Variants in FILIP1L observed in about 807,000 individuals in gnomAD.
FILIP1L encodes filamin A-interacting protein 1-like.
Under a neutral mutation model 96.6 loss-of-function variants are expected in FILIP1L, and 55 were observed. That is an observed-to-expected ratio of 0.57 (90% confidence interval 0.46 to 0.71). The LOEUF (loss-of-function observed/expected upper bound fraction) is 0.71. Among genes scored for constraint, FILIP1L ranks in the 30% least tolerant of loss-of-function variants. FILIP1L has a pLI of 0.00. For missense variants in FILIP1L, 1,304 were observed against 1,321.2 expected, an observed-to-expected ratio of 0.99 and a Z score of 0.20; for synonymous variants, 467 against 473.9, an observed-to-expected ratio of 0.99 and a Z score of 0.19.
chr3:99,978,847 T>C (rs1047019081), intron 1 of FILIP1L, among the ~76,000 whole-genome samples: 1 of 151,630 alleles, frequency 6.6e-6, no homozygotes, highest in Admixed American at 6.6e-5. Flanking sequence ...ATTACACCAC[T>C]GCACTCCAGC....
Position 99,930,852 on chromosome 3 carries a change from G to A in FILIP1L, c.169C>T (p.His57Tyr), listed in dbSNP as rs369213838. Reference sequence around the variant, plus strand: ...TCTGCTTGGTGGCCATTACCACTGTGTGGCTTCTCTGCCTTGGGACACGGA... The same window carrying A: ...TCTGCTTGGTGGCCATTACCACTGTATGGCTTCTCTGCCTTGGGACACGGA... ...ILPCPKAEKP[H>Y]SGNGHQAEDL... The change falls in exon 2 of 6, where the codon CAC becomes TAC. Residue 57 changes from histidine to tyrosine, a missense_variant. His to Tyr is a moderately conservative substitution (Grantham distance 83). Coordinates refer to ENST00000477258, the MANE Select transcript of FILIP1L (RefSeq NM_001387850.1). The A allele has an allele frequency of 4.3e-6, 7 of 1,612,848 alleles. No homozygotes were observed. The highest frequency in any genetic ancestry group is 5.9e-6 in the Non-Finnish European group (7 of 1,179,732).
chr3:100,108,376 T>A (rs2066429374), intron 1 of FILIP1L, among the ~76,000 whole-genome samples: 1 of 152,196 alleles, frequency 6.6e-6, no homozygotes, highest in South Asian at 2.1e-4. Flanking sequence ...TATGTGTCAC[T>A]AACTGTGCTT....
intron 1 of FILIP1L, among the ~76,000 whole-genome samples, chr3:99,973,897 A>G (rs769429951): frequency 2.0e-5 from 3 of 152,212 alleles, no homozygotes; most frequent in Non-Finnish European, 2.9e-5. Context: ...TAGACAATAT[A>G]TAATTGATAA....
At chr3:99,893,994 G>A (rs988842620) in intron 4 of FILIP1L, among the ~76,000 whole-genome samples, 1 of 152,158 alleles carries the variant, frequency 6.6e-6, no homozygotes, top group African/African-American at 2.4e-5. Context: ...GACCTGCTAT[G>A]TTAAGTGAGA....
At chr3:100,101,488 A>C (rs2066304404) in intron 1 of FILIP1L, among the ~76,000 whole-genome samples, 1 of 152,210 alleles carries the variant, frequency 6.6e-6, no homozygotes, top group Non-Finnish European at 1.5e-5. Flanking sequence ...AGAGACTCTC[A>C]CAACCTTGCT....
At chr3:99,982,181 TG>T (rs907853819) in intron 1 of FILIP1L, among the ~76,000 whole-genome samples, 21 of 152,278 alleles carry the variant, frequency 1.4e-4, no homozygotes, top group Admixed American at 2.0e-4. Context: ...TTTTAGTATA[TG>T]TTTTTTTAAT....
chr3:99,938,238 C>T (rs113527379), intron 1 of FILIP1L, among the ~76,000 whole-genome samples: 230 of 152,334 alleles, frequency 1.5e-3, no homozygotes, highest in African/African-American at 5.1e-3. Context: ...CTCACAGACA[C>T]CCTCACATGC....
intron 1 of FILIP1L, among the ~76,000 whole-genome samples, chr3:99,990,970 C>A (rs1709493066): frequency 6.6e-6 from 1 of 152,072 alleles, no homozygotes; most frequent in African/African-American, 2.4e-5. Flanking sequence ...AAAGTCTCTG[C>A]CTTTTGGGAA....
chr3:99,880,691 T>A (rs1026187047), intron 4 of FILIP1L, among the ~76,000 whole-genome samples: 7 of 151,554 alleles, frequency 4.6e-5, no homozygotes, highest in African/African-American at 7.3e-5. Context: ...TAATTTAAAA[T>A]TTTTTTTATT....
chr3:99,830,646 G>A, intron 5 of FILIP1L, 41 bp from the exon 6 acceptor site: 1 of 453,468 alleles, frequency 2.2e-6, no homozygotes, highest in South Asian at 1.6e-5. Flanking sequence ...TAATGGTACA[G>A]TTGGTGGAGA....
chr3:99,921,784 T>C (rs1023083152), intron 4 of FILIP1L, among the ~76,000 whole-genome samples: 1 of 152,272 alleles, frequency 6.6e-6, no homozygotes, highest in Non-Finnish European at 1.5e-5. Flanking sequence ...TATTTCAAAA[T>C]ACTATTCTTC....
At chr3:99,876,899 G>A (rs1387570366) in intron 4 of FILIP1L, among the ~76,000 whole-genome samples, 1 of 152,124 alleles carries the variant, frequency 6.6e-6, no homozygotes, top group African/African-American at 2.4e-5. Flanking sequence ...AATGTTTTGT[G>A]CTGTACTTTC....
At position 100,062,093 on chromosome 3, in the gene FILIP1L, CTTTTTTTTTTTTTTTT is replaced by C. The variant is rs71907944; in HGVS notation, c.-11+51944_-11+51959del. ...CCACTTGTGGTTATCCTGTCTTCTT[CTTTTTTTTTTTTTTTT>C]TTTTTTTTTTTTTTTTTTTTGAGAC... is the stretch of plus-strand genomic sequence containing the variant. On this transcript the variant is annotated intron_variant, in intron 1 of 5. Coordinates refer to ENST00000477258, the MANE Select transcript of FILIP1L (RefSeq NM_001387850.1). 9.5e-3 allele frequency among the ~76,000 whole-genome samples: 504 copies of C among 53,182 alleles called. 11 individuals carry two copies. Among genetic ancestry groups the C allele is most frequent in the East Asian group, 0.094 (182 of 1,936 alleles). 34.9% of individuals were successfully genotyped at this position (53,182 alleles called of 152,430 possible).
At chr3:99,961,367 C>T (rs1291102150) in intron 1 of FILIP1L, among the ~76,000 whole-genome samples, 2 of 152,068 alleles carry the variant, frequency 1.3e-5, no homozygotes, top group Non-Finnish European at 2.9e-5. Flanking sequence ...TATATATATA[C>T]CTTAAAATGT....
At chr3:99,938,070 TGTGTGCGC>T (rs997054855) in intron 1 of FILIP1L, among the ~76,000 whole-genome samples, 15 of 96,940 alleles carry the variant, frequency 1.5e-4, no homozygotes, top group African/African-American at 5.6e-4. Flanking sequence ...TGTGTGTGTG[TGTGTGCGC>T]GCGCGCGCGC....
intron 1 of FILIP1L, among the ~76,000 whole-genome samples, chr3:99,959,549 G>T (rs1189754437): frequency 6.6e-6 from 1 of 152,082 alleles, no homozygotes; most frequent in African/African-American, 2.4e-5. Context: ...CATTACATGG[G>T]TTGTATCAAT....
intron 4 of FILIP1L, among the ~76,000 whole-genome samples, chr3:99,875,185 G>T (rs1040550063): frequency 6.6e-6 from 1 of 152,016 alleles, no homozygotes; most frequent in Non-Finnish European, 1.5e-5. Flanking sequence ...TTGACTTTTA[G>T]TTGGAAAAAA....
intron 4 of FILIP1L, among the ~76,000 whole-genome samples, chr3:99,859,176 A>G (rs1944117932): frequency 6.6e-6 from 1 of 152,268 alleles, no homozygotes. Context: ...CCATAGTGCT[A>G]TGCAGTTCAG....
intron 4 of FILIP1L, among the ~76,000 whole-genome samples, chr3:99,922,256 G>C (rs1473435180): frequency 6.6e-6 from 1 of 152,216 alleles, no homozygotes; most frequent in Non-Finnish European, 1.5e-5. Context: ...GGCCACTAGT[G>C]CCAAACCACA....
Sources: gnomAD v4.1 joint callset for allele counts (sites outside exome capture counted in the v4.1 genomes callset) on GRCh38, gnomAD v4.1.1 for gene constraint, MANE v1.5 for transcripts, NCBI Gene and HGNC (gene_info 2026-07-23, HGNC 2026-07-21) for gene names.